The following SFTPB variants were observed in gnomAD, a reference collection of about 807,000 sequenced individuals.
The protein encoded by SFTPB is surfactant protein B.
In SFTPB, 32 loss-of-function variants were observed where a neutral mutation model predicts 51.0. The observed-to-expected ratio is 0.63, with a 90% CI of 0.47 to 0.84. SFTPB has a LOEUF of 0.84. Among genes scored for constraint, SFTPB ranks in the 40% least tolerant of loss-of-function variants. The probability of loss-of-function intolerance (pLI) is 0.00; values close to 1 mark genes in which losing one functional copy is unlikely to be tolerated. For synonymous variants in SFTPB, 211 were observed against 208.5 expected (o/e 1.01, Z -0.10); for missense variants, 431 against 491.2 (o/e 0.88, Z 1.16).
chr2:85,666,482 C>A, intron 4 of SFTPB, 135 bp downstream of exon 4: 1 of 796,608 alleles, frequency 1.3e-6, no homozygotes, highest in Non-Finnish European at 1.9e-6. Flanking sequence ...TGTGTCTGGC[C>A]GGCTTGGGTG....
chr2:85,668,162 G>A lies in SFTPB; in HGVS notation c.22C>T (p.Gln8Ter). 6.4e-7 allele frequency: 1 copy of A among 1,551,568 alleles called. No individual in the cohort carries two copies. Among genetic ancestry groups the A allele is most frequent in the East Asian group, 2.4e-5 (1 of 40,918 alleles). MAESHLL[Q>*]WLLLLLPTLC... Reference sequence around the variant, plus strand: ...GTGGGCAGCAGCAGCAGCAGCCACTGCAGCAGGTGTGACTCAGCCATGGCA... The same window carrying A: ...GTGGGCAGCAGCAGCAGCAGCCACTACAGCAGGTGTGACTCAGCCATGGCA... The change falls in exon 1 of 11, where the codon CAG becomes TAG. Residue 8 changes from glutamine to a stop codon, truncating the protein, a stop_gained. Transcript: ENST00000519937. LOFTEE classifies it high-confidence loss of function.
chr2:85,668,345 C>T, upstream of SFTPB: 1 of 684,638 alleles, frequency 1.5e-6, no homozygotes, highest in Non-Finnish European at 2.6e-6. Flanking sequence ...ACACTCCTGC[C>T]TGCCTTACCA....
At chr2:85,666,132 T>C (rs1378854503) in intron 4 of SFTPB, among the ~76,000 whole-genome samples, 1 of 151,772 alleles carries the variant, frequency 6.6e-6, no homozygotes, top group Non-Finnish European at 1.5e-5. Flanking sequence ...GGTGCATGGC[T>C]GAAGGGCACG....
intron 8 of SFTPB, among the ~76,000 whole-genome samples, 168 bp downstream of exon 8, chr2:85,663,178 G>T (rs565278255): frequency 6.6e-5 from 10 of 152,326 alleles, no homozygotes; most frequent in Admixed American, 2.0e-4. Flanking sequence ...CCTTTAGCAG[G>T]CTCTGCCCTA....
chr2:85,663,843 G>T lies in SFTPB; in HGVS notation c.677C>A (p.Ala226Glu). 1.3e-6 allele frequency: 2 copies of T among 1,581,854 alleles called. No homozygotes were observed. The highest frequency in any genetic ancestry group is 8.6e-7 in the Non-Finnish European group (1 of 1,168,556). ...KRIQAMIPKG[A>E]LAVAVAQVCR... ...CACCTGGGCCACTGCCACAGCTAGC[G>T]CACCCTGGGGCGGGGGCGGAGAGAG... Residue 226 changes from alanine to glutamate, a missense_variant, in exon 7 of 11, where the codon GCG becomes GAG. Ala to Glu is a moderately radical substitution (Grantham distance 107). Coordinates refer to ENST00000519937, the MANE Select transcript of SFTPB (RefSeq NM_000542.5).
chr2:85,662,082 G>T lies in SFTPB; in HGVS notation c.1030C>A (p.Pro344Thr), dbSNP rs745744765. Residue 344 changes from proline to threonine, a missense_variant, in exon 9 of 11, where the codon CCC (proline) becomes ACC (threonine). Pro to Thr is a conservative substitution (Grantham distance 38, BLOSUM62 -1). Transcript: ENST00000519937. ...KCKQFVEQHT[P>T]QLLTLVPRGW... ...CTGGGCACCAGGGTCAGCAGCTGGG[G>T]CGTGTGCTGCTCCACAAATTGCTTG... The T allele has an allele frequency of 3.7e-6, 6 of 1,602,906 alleles. No individual in the cohort carries two copies. The highest frequency in any genetic ancestry group is 1.7e-5 in the Admixed American group (1 of 57,544).
intron 4 of SFTPB, 124 bp from the exon 5 acceptor site, chr2:85,665,918 T>C (rs2104409396): frequency 1.2e-6 from 1 of 861,970 alleles, no homozygotes; most frequent in South Asian, 1.6e-5. Context: ...GGTGCTGTGG[T>C]TTAGAACTCT....
chr2:85,662,703 T>G (rs1354610743), intron 8 of SFTPB, among the ~76,000 whole-genome samples: 1 of 151,924 alleles, frequency 6.6e-6, no homozygotes, highest in Non-Finnish European at 1.5e-5. Context: ...TAGCCGGGCC[T>G]GGTAGCACAT....
In SFTPB at chr2:85,666,661, C is replaced by T; in HGVS notation, c.349G>A (p.Asp117Asn). Residue 117 changes from aspartate (D) to asparagine (N), a missense_variant, in exon 4 of 11, where the codon GAC becomes AAC. By Grantham distance (23) the Asp-to-Asn change is conservative. Coordinates refer to ENST00000519937, the MANE Select transcript of SFTPB (RefSeq NM_000542.5). ...TCGATGACCAGGGGGAAGTAGTCGTCAAGCACTTGGTTGCACTGGGGCATG... is the reference window on the plus strand; with the variant it reads ...TCGATGACCAGGGGGAAGTAGTCGTTAAGCACTTGGTTGCACTGGGGCATG... Reference protein sequence around the residue: ...LLMPQCNQVLDDYFPLVIDYF... With the variant: ...LLMPQCNQVLNDYFPLVIDYF... 1 of 1,613,858 alleles carries T rather than the reference C, an allele frequency of 6.2e-7. No individual in the cohort carries two copies. Among genetic ancestry groups the T allele is most frequent in the Non-Finnish European group, 8.5e-7 (1 of 1,179,866 alleles).
intron 4 of SFTPB, among the ~76,000 whole-genome samples, chr2:85,666,032 G>A (rs1677569668): frequency 6.6e-6 from 1 of 152,214 alleles, no homozygotes; most frequent in Non-Finnish European, 1.5e-5. Context: ...GAATGAATAA[G>A]TGTGTAAGCA....
intron 4 of SFTPB, chr2:85,666,393 G>C (rs1677616286): frequency 3.3e-6 from 1 of 302,572 alleles, no homozygotes; most frequent in Non-Finnish European, 6.3e-6. Context: ...CTGGGGTACT[G>C]TGTGTGTGTG....
At chr2:85,667,465 C>T (rs959967722) in intron 2 of SFTPB, among the ~76,000 whole-genome samples, 1 of 152,096 alleles carries the variant, frequency 6.6e-6, no homozygotes, top group Non-Finnish European at 1.5e-5. Flanking sequence ...TCCCATCCAT[C>T]CCATCCCATC....
At chr2:85,666,804 G>A in intron 3 of SFTPB, 62 bp from the exon 4 acceptor site, 4 of 1,608,368 alleles carry the variant, frequency 2.5e-6, no homozygotes, top group Admixed American at 1.7e-5. Context: ...CCAAGTCCCT[G>A]GACACAAGGC....
chr2:85,662,273 G>C, intron 8 of SFTPB, 164 bp from the exon 9 acceptor site: 2 of 1,471,758 alleles, frequency 1.4e-6, no homozygotes, highest in Non-Finnish European at 1.8e-6. Context: ...TAACAAACTG[G>C]AGCCAGCTGA....
chr2:85,662,142 C>G, intron 8 of SFTPB, 33 bp from the exon 9 acceptor site: 3 of 1,581,088 alleles, frequency 1.9e-6, no homozygotes, highest in Non-Finnish European at 2.6e-6. Flanking sequence ...GTGGAGGGTC[C>G]CTTTGCAGGA....
chr2:85,664,808 C>T (rs897542089), intron 6 of SFTPB, among the ~76,000 whole-genome samples: 1 of 152,218 alleles, frequency 6.6e-6, no homozygotes, highest in African/African-American at 2.4e-5. Context: ...CATTTGGGCC[C>T]CAATTTGGGC....
intron 10 of SFTPB, among the ~76,000 whole-genome samples, chr2:85,659,913 A>G (rs1187694963): frequency 6.6e-6 from 1 of 152,140 alleles, no homozygotes; most frequent in Non-Finnish European, 1.5e-5. Flanking sequence ...GCAAGGACAC[A>G]TTAAACTGGT....
Position 85,665,665 on chromosome 2 carries a change from TGTCCAGCAGAGG to T in SFTPB, c.511_522del (p.Pro171_Asp174del). 6.2e-7 allele frequency: 1 copy of T among 1,614,148 alleles called. No individual in the cohort carries two copies. Among genetic ancestry groups the T allele is most frequent in the Non-Finnish European group, 8.5e-7 (1 of 1,180,028 alleles). On this transcript the variant is annotated inframe_deletion, in exon 5 of 11. Coordinates refer to ENST00000519937, the MANE Select transcript of SFTPB (RefSeq NM_000542.5). Reference sequence around the variant, plus strand: ...CCGGGCAGCACAGGGAGGACGAGCTTGTCCAGCAGAGGGTCTGGCAGAGGGTCCCGCAGAGGT... The same window carrying T: ...CCGGGCAGCACAGGGAGGACGAGCTTGTCTGGCAGAGGGTCCCGCAGAGGT...
chr2:85,664,668 C>A (rs1473404568), intron 6 of SFTPB, among the ~76,000 whole-genome samples: 4 of 152,158 alleles, frequency 2.6e-5, no homozygotes, highest in Admixed American at 2.6e-4. Flanking sequence ...CGCCATGTTG[C>A]CCAAGCTGGT....
Sources: gnomAD v4.1 joint callset for allele counts (sites outside exome capture counted in the v4.1 genomes callset) on GRCh38, gnomAD v4.1.1 for gene constraint, MANE v1.5 for transcripts, NCBI Gene and HGNC (gene_info 2026-07-23, HGNC 2026-07-21) for gene names.